Variants in HSF2BP observed in about 807,000 individuals in gnomAD.
HSF2BP encodes heat shock factor 2-binding protein.
A neutral mutation model predicts 35.0 loss-of-function variants in HSF2BP; 35 were observed. The ratio of observed to expected loss-of-function variants is 1.00; its 90% CI spans 0.76 to 1.32. HSF2BP has a LOEUF of 1.32. HSF2BP is among the 40% of genes most tolerant of loss of function. HSF2BP has a pLI of 0.00. For synonymous variants in HSF2BP, 114 were observed against 117.4 expected (o/e 0.97, Z 0.18); for missense variants, 326 against 321.7 (o/e 1.01, Z -0.10).
chr21:43,617,693 C>A (rs1473093473), intron 6 of HSF2BP, among the ~76,000 whole-genome samples: 1 of 152,000 alleles, frequency 6.6e-6, no homozygotes, highest in Non-Finnish European at 1.5e-5. Context: ...GTGGCTCCCA[C>A]CTGTAATCCC....
At chr21:43,605,074 C>A (rs112987789) in intron 7 of HSF2BP, among the ~76,000 whole-genome samples, 1,777 of 148,428 alleles carry the variant, frequency 0.012, 35 homozygotes, top group African/African-American at 0.041. Flanking sequence ...ACACATCACA[C>A]GTACCACATA....
At chr21:43,580,525 A>C (rs1292250836) in intron 8 of HSF2BP, among the ~76,000 whole-genome samples, 1 of 152,248 alleles carries the variant, frequency 6.6e-6, no homozygotes, top group East Asian at 1.9e-4. Flanking sequence ...CAGTCCCAGC[A>C]TTCTCTTGTG....
chr21:43,640,317 C>T (rs2082619181), intron 4 of HSF2BP, among the ~76,000 whole-genome samples: 1 of 152,056 alleles, frequency 6.6e-6, no homozygotes, highest in Non-Finnish European at 1.5e-5. Flanking sequence ...AAAAGTCAGT[C>T]GCAAAAGGTT....
At chr21:43,656,015 G>C (rs2082863085) in intron 3 of HSF2BP, among the ~76,000 whole-genome samples, 1 of 152,184 alleles carries the variant, frequency 6.6e-6, no homozygotes, top group African/African-American at 2.4e-5. Context: ...ATTTAATCAT[G>C]ATTTGGCCTC....
chr21:43,598,758 A>C (rs1226590678), intron 7 of HSF2BP, among the ~76,000 whole-genome samples: 1 of 152,212 alleles, frequency 6.6e-6, no homozygotes, highest in Non-Finnish European at 1.5e-5. Context: ...ACTCAAATGT[A>C]GTGTTCATGA....
chr21:43,582,096 G>GA (rs2081752123), intron 8 of HSF2BP, among the ~76,000 whole-genome samples: 4 of 132,034 alleles, frequency 3.0e-5, no homozygotes, highest in Non-Finnish European at 4.8e-5. Flanking sequence ...TGTGGGAGAT[G>GA]AGGGCCTGCT....
chr21:43,629,869 T>G (rs2082433141), intron 6 of HSF2BP, among the ~76,000 whole-genome samples: 1 of 152,214 alleles, frequency 6.6e-6, no homozygotes, highest in South Asian at 2.1e-4. Context: ...TTTTGAAAGA[T>G]GTTCTACTGT....
chr21:43,628,596 C>T (rs2082416744), intron 6 of HSF2BP, among the ~76,000 whole-genome samples: 1 of 152,204 alleles, frequency 6.6e-6, no homozygotes, highest in Non-Finnish European at 1.5e-5. Context: ...GATGGAGAAG[C>T]TGCAGCAAGT....
intron 4 of HSF2BP, among the ~76,000 whole-genome samples, chr21:43,641,674 A>G (rs115089466): frequency 0.041 from 6,228 of 152,148 alleles, 438 homozygotes; most frequent in African/African-American, 0.14. Flanking sequence ...GCAGCCAGGC[A>G]CGGTGGCTCA....
At chr21:43,586,586 A>T (rs962248981) in intron 8 of HSF2BP, among the ~76,000 whole-genome samples, 4 of 152,172 alleles carry the variant, frequency 2.6e-5, no homozygotes, top group African/African-American at 9.7e-5. Context: ...TTTAATATAC[A>T]TTAAGATCCT....
intron 3 of HSF2BP, among the ~76,000 whole-genome samples, chr21:43,646,926 T>TA (rs1156875531): frequency 3.3e-5 from 5 of 152,214 alleles, no homozygotes; most frequent in Non-Finnish European, 7.4e-5. Context: ...GCATGCTACC[T>TA]AAAAGCACCC....
intron 3 of HSF2BP, among the ~76,000 whole-genome samples, chr21:43,652,429 A>AGT (rs2082801623): frequency 6.7e-6 from 1 of 149,206 alleles, no homozygotes; most frequent in Admixed American, 6.7e-5. Flanking sequence ...AACAACTGGA[A>AGT]GTGCACATTA....
chr21:43,638,924 A>G (rs1056218607), intron 4 of HSF2BP, among the ~76,000 whole-genome samples: 3 of 152,246 alleles, frequency 2.0e-5, no homozygotes, highest in Non-Finnish European at 4.4e-5. Context: ...TCGCTACAGT[A>G]ATCAGAATAA....
chr21:43,594,323 A>T (rs967752355), intron 7 of HSF2BP, among the ~76,000 whole-genome samples: 3 of 152,214 alleles, frequency 2.0e-5, no homozygotes, highest in African/African-American at 7.2e-5. Context: ...GTGAGTGTAC[A>T]GAAGTAAACA....
chr21:43,609,671 G>A (rs914375623), intron 7 of HSF2BP, among the ~76,000 whole-genome samples: 1 of 152,126 alleles, frequency 6.6e-6, no homozygotes, highest in Non-Finnish European at 1.5e-5. Flanking sequence ...GTGGGCGTTA[G>A]TGAAGTGGGG....
chr21:43,607,728 A>C, intron 7 of HSF2BP, among the ~76,000 whole-genome samples: 1 of 152,214 alleles, frequency 6.6e-6, no homozygotes. Flanking sequence ...AAACAGCATA[A>C]CACTGGTACA....
the HSF2BP span, among the ~76,000 whole-genome samples, chr21:43,499,810 A>C: frequency 0.012 from 1,468 of 125,534 alleles, 55 homozygotes; most frequent in African/African-American, 0.037. Flanking sequence ...CACACCACAC[A>C]TGCACACTCA....
At chr21:43,575,688 G>C (rs2081634370) in intron 8 of HSF2BP, among the ~76,000 whole-genome samples, 2 of 152,158 alleles carry the variant, frequency 1.3e-5, no homozygotes, top group Non-Finnish European at 2.9e-5. Context: ...CTGGACAACA[G>C]CGTGAGCTAA....
chr21:43,643,238 T>C (rs2082662985), intron 4 of HSF2BP, among the ~76,000 whole-genome samples: 1 of 152,212 alleles, frequency 6.6e-6, no homozygotes. Context: ...AATACATCTA[T>C]GTCCAACTAT....
Sources: allele counts gnomAD v4.1 joint callset (sites outside exome capture counted in the v4.1 genomes callset), GRCh38; gene constraint gnomAD v4.1.1; transcripts MANE v1.5; gene names NCBI Gene and HGNC (gene_info 2026-07-23, HGNC 2026-07-21).